The following DOP1A variants were observed in gnomAD, a reference collection of about 807,000 sequenced individuals.
DOP1A encodes the protein protein DOP1A.
A neutral mutation model predicts 267.6 loss-of-function variants in DOP1A; 90 were observed. The ratio of observed to expected loss-of-function variants is 0.34; its 90% CI spans 0.28 to 0.40. The LOEUF is 0.40. DOP1A is among the 10% of genes least tolerant of loss of function. The probability of loss-of-function intolerance (pLI) is 1.00; values close to 1 mark genes in which losing one functional copy is unlikely to be tolerated. For missense variants in DOP1A, 2,437 were observed against 2,900.4 expected (o/e 0.84, Z 3.67); for synonymous variants, 932 against 999.1 (o/e 0.93, Z 1.27).
chr6:83,071,264 T>C (rs570657864), intron 1 of DOP1A, among the ~76,000 whole-genome samples: 1 of 151,966 alleles, frequency 6.6e-6, no homozygotes, highest in Admixed American at 6.6e-5. Context: ...CAGGCTGGAG[T>C]GCAGTGGAGT....
At chr6:83,119,042 C>G in intron 8 of DOP1A, 55 bp downstream of exon 8, 1 of 1,477,814 alleles carries the variant, frequency 6.8e-7, no homozygotes, top group Middle Eastern at 1.7e-4. Context: ...GGAGATTTGT[C>G]ATGTATAAGT....
At chr6:83,128,787 A>G (rs1260535754) in intron 15 of DOP1A, 100 bp from the exon 16 acceptor site, 2 of 1,356,858 alleles carry the variant, frequency 1.5e-6, no homozygotes, top group Non-Finnish European at 2.0e-6. Flanking sequence ...GGGCAGATTA[A>G]GTTGTGAATA....
intron 6 of DOP1A, among the ~76,000 whole-genome samples, chr6:83,111,679 T>G (rs1242914436): frequency 6.6e-6 from 1 of 152,148 alleles, no homozygotes; most frequent in African/African-American, 2.4e-5. Context: ...TTGGATAAAT[T>G]TCTATTCAAA....
chr6:83,161,755 T>G (rs2128419658), intron 37 of DOP1A, among the ~76,000 whole-genome samples: 1 of 152,292 alleles, frequency 6.6e-6, no homozygotes, highest in Non-Finnish European at 1.5e-5. Context: ...ATTGTCCAAT[T>G]GTTCAGAGGT....
At chr6:83,117,119 T>TTTTTTTTTTA (rs1775573742) in intron 7 of DOP1A, among the ~76,000 whole-genome samples, 1 of 131,266 alleles carries the variant, frequency 7.6e-6, no homozygotes, top group South Asian at 2.6e-4. Flanking sequence ...TTTTAGTACT[T>TTTTTTTTTTA]TTTTATTTTA....
chr6:83,108,254 A>G (rs1015611998), intron 4 of DOP1A, among the ~76,000 whole-genome samples: 2 of 152,142 alleles, frequency 1.3e-5, no homozygotes, highest in African/African-American at 2.4e-5. Context: ...ATCACAGCTC[A>G]TTGCAGCCTC....
rs1317765360 is a variant in DOP1A, at chr6:83,162,866, G to C, written c.7039G>C (p.Glu2347Gln). 6.2e-7 allele frequency: 1 copy of C among 1,613,532 alleles called. No individual in the cohort carries two copies. The highest frequency in any genetic ancestry group is 1.3e-5 in the African/African-American group (1 of 75,026). Residue 2347 changes from glutamate (E) to glutamine (Q), a missense_variant, in exon 38 of 39, where the codon GAA (glutamate) becomes CAA (glutamine). Glu to Gln is a conservative substitution (Grantham distance 29, BLOSUM62 2). Around this residue, in one of 9 missense-constraint regions of DOP1A, gnomAD observed 197 missense variants for 246.5 expected, o/e 0.80. Transcript: ENST00000349129. Reference sequence around the variant, plus strand: ...CAGAAGGCAGGGTATACATCAACGAGAATTTAAACCTTACGTGGTACGACT... The same window carrying C: ...CAGAAGGCAGGGTATACATCAACGACAATTTAAACCTTACGTGGTACGACT... Reference protein sequence around the residue: ...EVRRQGIHQREFKPYVVRLAK... With the variant: ...EVRRQGIHQRQFKPYVVRLAK...
intron 8 of DOP1A, 108 bp downstream of exon 8, chr6:83,119,095 C>A (rs758430895): frequency 6.7e-6 from 6 of 893,866 alleles, no homozygotes; most frequent in Non-Finnish European, 8.9e-6. Flanking sequence ...AAACTAAAAT[C>A]TCTTGTGTAA....
At chr6:83,161,327 G>A (rs749056608) in intron 37 of DOP1A, 77 of 152,082 alleles carry the variant, frequency 5.1e-4, no homozygotes, top group Non-Finnish European at 9.6e-4. Flanking sequence ...CTATAAAGTA[G>A]AAAGTGTAAA....
chr6:83,156,199 C>A, intron 34 of DOP1A, 96 bp downstream of exon 34: 1 of 970,626 alleles, frequency 1.0e-6, no homozygotes, highest in Non-Finnish European at 1.5e-6. Flanking sequence ...TAAAATATAT[C>A]AAGTGTAGAT....
At chr6:83,085,983 A>G (rs1433920953) in intron 1 of DOP1A, among the ~76,000 whole-genome samples, 1 of 152,138 alleles carries the variant, frequency 6.6e-6, no homozygotes, top group Non-Finnish European at 1.5e-5. Flanking sequence ...AGTGGGCTAT[A>G]ACTGGTTAGA....
chr6:83,114,595 C>T (rs1245231412), intron 7 of DOP1A, among the ~76,000 whole-genome samples: 2 of 152,150 alleles, frequency 1.3e-5, no homozygotes, highest in African/African-American at 4.8e-5. Flanking sequence ...TGCTTTCTTA[C>T]TTTCCAAACA....
At chr6:83,127,568 T>A (rs150377128) in intron 15 of DOP1A, among the ~76,000 whole-genome samples, 190 of 152,224 alleles carry the variant, frequency 1.2e-3, no homozygotes, top group African/African-American at 4.4e-3. Flanking sequence ...CATAATTACG[T>A]TTGTATATTA....
At chr6:83,108,692 G>C (rs1774059121) in intron 4 of DOP1A, among the ~76,000 whole-genome samples, 1 of 152,198 alleles carries the variant, frequency 6.6e-6, no homozygotes, top group Non-Finnish European at 1.5e-5. Context: ...TGAGGACTTT[G>C]TGAAACAGCT....
chr6:83,084,476 A>C (rs1768710396), intron 1 of DOP1A, among the ~76,000 whole-genome samples: 1 of 152,238 alleles, frequency 6.6e-6, no homozygotes, highest in Non-Finnish European at 1.5e-5. Flanking sequence ...AAGTATAATA[A>C]AACTTTTTCC....
intron 30 of DOP1A, 73 bp downstream of exon 30, chr6:83,152,440 A>G: frequency 6.4e-6 from 4 of 623,590 alleles, no homozygotes; most frequent in Non-Finnish European, 1.0e-5. Context: ...AGTAATTTTT[A>G]TAGAGGAATT....
At chr6:83,069,825 G>C (rs759870255) in intron 1 of DOP1A, among the ~76,000 whole-genome samples, 5 of 152,054 alleles carry the variant, frequency 3.3e-5, no homozygotes, top group Non-Finnish European at 5.9e-5. Context: ...GTGAAGACTT[G>C]TTGATAATGG....
chr6:83,135,564 A>AGT, intron 19 of DOP1A, 55 bp from the exon 20 acceptor site: 1 of 1,506,750 alleles, frequency 6.6e-7, no homozygotes, highest in Admixed American at 2.1e-5. Context: ...TTTATAAAAG[A>AGT]GTGTGACAAG....
At chr6:83,169,827 C>T (rs1025106897), downstream of DOP1A, 1 of 457,214 alleles carries the variant, frequency 2.2e-6, no homozygotes, top group Admixed American at 2.4e-5. Flanking sequence ...AAATCCAGAC[C>T]ACAAGTCTTG....
Sources: allele counts gnomAD v4.1 joint callset (sites outside exome capture counted in the v4.1 genomes callset), GRCh38; gene constraint gnomAD v4.1.1; regional missense constraint gnomAD v4.1.1; transcripts MANE v1.5; gene names NCBI Gene and HGNC (gene_info 2026-07-23, HGNC 2026-07-21).